Variants in UGT1A8 observed in about 807,000 individuals in gnomAD.
The protein encoded by UGT1A8 is UDP-glucuronosyltransferase 1A8.
A neutral mutation model predicts 45.3 loss-of-function variants in UGT1A8; 39 were observed. That is an observed-to-expected ratio of 0.86 (90% CI 0.67 to 1.12). The LOEUF is 1.12. Among genes scored for constraint, UGT1A8 ranks in the 50% most tolerant of loss-of-function variants. The pLI, the probability that UGT1A8 is intolerant of heterozygous loss-of-function variation, is 0.00. For missense variants in UGT1A8, 719 were observed against 664.9 expected, an observed-to-expected ratio of 1.08 and a Z score of -0.90; for synonymous variants, 275 against 249.2, an observed-to-expected ratio of 1.10 and a Z score of -0.97.
At chr2:233,752,573 T>C (rs1337077118) in intron 1 of UGT1A8, 4 of 152,170 alleles carry the variant, frequency 2.6e-5, no homozygotes, top group Admixed American at 2.6e-4. Flanking sequence ...TGGGTCAACA[T>C]CATTCCCATC....
rs1693746524 is a variant in UGT1A8, at chr2:233,747,672, A to G, written c.856-19362A>G. Reference sequence around the variant, plus strand: ...CTTCGATGTGGTTTTAATAGACCCAATTTACCTCTGTGGGGCAGTGCTGGC... The same window carrying G: ...CTTCGATGTGGTTTTAATAGACCCAGTTTACCTCTGTGGGGCAGTGCTGGC... On this transcript the variant is annotated intron_variant, in intron 1 of 4. Transcript: ENST00000373450. 1.4e-5 allele frequency: 22 copies of G among 1,605,362 alleles called. No individual in the cohort carries two copies. The South Asian group carries it at 1.4e-4, about 10-fold the overall frequency.
chr2:233,661,196 C>T (rs1442437528), intron 1 of UGT1A8, among the ~76,000 whole-genome samples: 4 of 151,800 alleles, frequency 2.6e-5, no homozygotes. Flanking sequence ...TGAGCGTTCC[C>T]CAACAGTCTG....
intron 1 of UGT1A8, chr2:233,719,816 T>A: frequency 6.3e-7 from 1 of 1,580,710 alleles, no homozygotes; most frequent in Non-Finnish European, 8.6e-7. Context: ...TTATAACAGA[T>A]AAACTGTTGA....
chr2:233,769,855 C>T lies in UGT1A8; in HGVS notation c.1295+1416C>T. The T allele has an allele frequency of 2.7e-6, 1 of 372,078 alleles. No individual in the cohort carries two copies. The highest frequency in any genetic ancestry group is 4.4e-6 in the Non-Finnish European group (1 of 226,694). The allele number at this position is 372,078 out of a possible 1,614,324, so 23.0% of individuals were successfully genotyped here. On this transcript the variant is annotated intron_variant, in intron 4 of 4. Coordinates refer to ENST00000373450, the MANE Select transcript of UGT1A8 (RefSeq NM_019076.5). The surrounding 1 kb of genome is among the most constrained non-coding windows in gnomAD (Gnocchi z 4.4). ...CCTGGGCAACAGAGTGAGACCCTGT[C>T]TCAAAAAAAAAAAAAAAAATGAAAA...
At chr2:233,710,204 G>A (rs2076118608) in intron 1 of UGT1A8, among the ~76,000 whole-genome samples, 1 of 152,110 alleles carries the variant, frequency 6.6e-6, no homozygotes, top group Non-Finnish European at 1.5e-5. Context: ...TCCAGTTGTT[G>A]GCTATTATGA....
At chr2:233,676,853 C>T (rs1183516541) in intron 1 of UGT1A8, among the ~76,000 whole-genome samples, 4 of 152,124 alleles carry the variant, frequency 2.6e-5, no homozygotes, top group Admixed American at 1.3e-4. Flanking sequence ...CACTGCATTG[C>T]CTTTGTACCT....
chr2:233,735,441 C>T (rs867526694), intron 1 of UGT1A8, among the ~76,000 whole-genome samples: 5 of 151,950 alleles, frequency 3.3e-5, no homozygotes, highest in African/African-American at 9.7e-5. Flanking sequence ...TACAGCATAC[C>T]GATGGGCCTT....
intron 1 of UGT1A8, chr2:233,692,906 T>G (rs1175871462): frequency 2.6e-6 from 4 of 1,548,942 alleles, no homozygotes; most frequent in Non-Finnish European, 3.5e-6. Context: ...AGACAGGACC[T>G]GTGAAAAGCA....
chr2:233,761,695 G>T (rs1292253541), intron 1 of UGT1A8, among the ~76,000 whole-genome samples: 1 of 152,240 alleles, frequency 6.6e-6, no homozygotes, highest in East Asian at 1.9e-4. Flanking sequence ...ATACAGAAAG[G>T]TTGTAGGTTT....
At chr2:233,694,740 G>A (rs565003926) in intron 1 of UGT1A8, among the ~76,000 whole-genome samples, 1 of 152,202 alleles carries the variant, frequency 6.6e-6, no homozygotes, top group South Asian at 2.1e-4. Context: ...AATTTGAACA[G>A]TTGGCAGTAG....
intron 1 of UGT1A8, among the ~76,000 whole-genome samples, chr2:233,704,643 A>G (rs2075801430): frequency 6.6e-6 from 1 of 152,104 alleles, no homozygotes; most frequent in Admixed American, 6.6e-5. Flanking sequence ...CTTTTTGCTT[A>G]TCATTTTTGG....
At chr2:233,688,298 T>A (rs1218432099) in intron 1 of UGT1A8, among the ~76,000 whole-genome samples, 6 of 152,258 alleles carry the variant, frequency 3.9e-5, no homozygotes, top group Non-Finnish European at 8.8e-5. Context: ...GCATTTTTTT[T>A]ATCCATTCAT....
At chr2:233,697,107 A>G (rs989026707) in intron 1 of UGT1A8, among the ~76,000 whole-genome samples, 1 of 152,102 alleles carries the variant, frequency 6.6e-6, no homozygotes, top group African/African-American at 2.4e-5. Flanking sequence ...TGAGTTTGGA[A>G]GTATTCTCTC....
At chr2:233,679,700 C>T (rs892784889) in intron 1 of UGT1A8, among the ~76,000 whole-genome samples, 2 of 152,128 alleles carry the variant, frequency 1.3e-5, no homozygotes, top group Non-Finnish European at 2.9e-5. Flanking sequence ...GGCTGGTTCT[C>T]CTGTTATCTG....
chr2:233,755,959 G>C (rs2125939484), intron 1 of UGT1A8: 1 of 152,196 alleles, frequency 6.6e-6, no homozygotes, highest in East Asian at 1.9e-4. Flanking sequence ...TTTAGTACTT[G>C]GCTCTATAGA....
chr2:233,742,713 C>A (rs546122146), intron 1 of UGT1A8: 1 of 152,522 alleles, frequency 6.6e-6, no homozygotes. Flanking sequence ...CCGATTTCAG[C>A]TCAGTGATAT....
chr2:233,763,903 G>A lies in UGT1A8; in HGVS notation c.856-3131G>A, dbSNP rs779915264. The stretch of plus-strand genomic sequence containing the variant: ...AGAAAAATAACTAAACAGAAGATTA[G>A]TGAGGACCAAGGCTTCGAGATGGCC... On this transcript the variant is annotated intron_variant, in intron 1 of 4. Coordinates refer to ENST00000373450, the MANE Select transcript of UGT1A8 (RefSeq NM_019076.5). 3.3e-5 allele frequency among the ~76,000 whole-genome samples: 5 copies of A among 152,300 alleles called. No individual in the cohort carries two copies. In the South Asian group the frequency reaches 1.0e-3, roughly 32 times the overall value.
chr2:233,675,138 A>C (rs984372310), intron 1 of UGT1A8, among the ~76,000 whole-genome samples: 1 of 145,294 alleles, frequency 6.9e-6, no homozygotes, highest in Non-Finnish European at 1.6e-5. Flanking sequence ...CCTTGAGGCT[A>C]TCCAGGGGAA....
chr2:233,691,330 G>C, intron 1 of UGT1A8: 1 of 985,542 alleles, frequency 1.0e-6, no homozygotes, highest in Non-Finnish European at 1.2e-6. Flanking sequence ...AGCTTGGACT[G>C]AGCTGAGTCT....
Sources: allele counts gnomAD v4.1 joint callset (sites outside exome capture counted in the v4.1 genomes callset), GRCh38; gene constraint gnomAD v4.1.1; non-coding constraint Gnocchi (gnomAD v3.1); transcripts MANE v1.5; gene names NCBI Gene and HGNC (gene_info 2026-07-23, HGNC 2026-07-21).